The following TAF4B variants were observed in gnomAD, a reference collection of about 807,000 sequenced individuals.
The protein encoded by TAF4B is transcription initiation factor TFIID subunit 4B.
Under a neutral mutation model 86.4 loss-of-function variants are expected in TAF4B, and 38 were observed. That is an observed-to-expected ratio of 0.44 (90% CI 0.34 to 0.58). TAF4B has a LOEUF of 0.58. Among genes scored for constraint, TAF4B ranks in the 20% least tolerant of loss-of-function variants. TAF4B has a pLI of 0.02. For missense variants in TAF4B, 988 were observed against 1,027.6 expected (o/e 0.96, Z 0.53); for synonymous variants, 388 against 391.2 (o/e 0.99, Z 0.10).
chr18:26,329,872 A>C, intron 12 of TAF4B, among the ~76,000 whole-genome samples: 1 of 152,010 alleles, frequency 6.6e-6, no homozygotes, highest in Non-Finnish European at 1.5e-5. Flanking sequence ...TGGTGTGATC[A>C]CTGCTCACTG....
At chr18:26,304,784 A>G (rs752699425) in intron 9 of TAF4B, 3 of 985,410 alleles carry the variant, frequency 3.0e-6, no homozygotes, top group Non-Finnish European at 3.6e-6. Context: ...CTGTGAACCA[A>G]ACAATGGAAT....
chr18:26,269,970 A>G (rs1321827300), intron 3 of TAF4B, among the ~76,000 whole-genome samples: 1 of 152,248 alleles, frequency 6.6e-6, no homozygotes, highest in Non-Finnish European at 1.5e-5. Flanking sequence ...GATAGCTACT[A>G]TCATATTGTT....
chr18:26,358,041 A>G (rs558499833), intron 14 of TAF4B, among the ~76,000 whole-genome samples: 1 of 152,128 alleles, frequency 6.6e-6, no homozygotes, highest in Non-Finnish European at 1.5e-5. Flanking sequence ...CCCCATCTCC[A>G]GTCATATTGA....
chr18:26,231,776 C>T (rs942224340), intron 1 of TAF4B, among the ~76,000 whole-genome samples: 1 of 152,114 alleles, frequency 6.6e-6, no homozygotes, highest in African/African-American at 2.4e-5. Context: ...AAAGATGGCA[C>T]AGACCCAAAG....
At position 26,226,703 on chromosome 18, in the gene TAF4B, T is replaced by C; in HGVS notation, c.-231T>C. The stretch of plus-strand genomic sequence containing the variant: ...AGGAAGCTGCGAGAGGTCGGGCGGG[T>C]GTCGCTCCGGGGGCAGCCCAGGCTC... On this transcript the variant is annotated 5_prime_UTR_variant, in exon 1 of 15. Transcript: ENST00000269142. 2 of 398,298 alleles carry C rather than the reference T, an allele frequency of 5.0e-6. No homozygotes were observed. 24.7% of individuals were successfully genotyped at this position (398,298 alleles called of 1,614,324 possible).
chr18:26,329,971 A>C (rs772024097), intron 12 of TAF4B, among the ~76,000 whole-genome samples: 7 of 152,060 alleles, frequency 4.6e-5, no homozygotes, highest in Non-Finnish European at 7.4e-5. Flanking sequence ...CACCTGGATA[A>C]ATTTTTTAAT....
rs116434304 is a variant in TAF4B at position 26,291,145 on chromosome 18, G to A, written c.1591-1101G>A. On this transcript the variant is annotated intron_variant, in intron 7 of 14. Coordinates refer to ENST00000269142, the MANE Select transcript of TAF4B (RefSeq NM_005640.3). ...GAATAAATTGAACTCTAAAAATTCT[G>A]TTTAGAAGTCTGTCTTTTGGCAAGA... 8.2e-3 allele frequency among the ~76,000 whole-genome samples: 1,251 copies of A among 152,186 alleles called. 18 individuals carry two copies. Among genetic ancestry groups the A allele is most frequent in the African/African-American group, 0.029 (1,199 of 41,518 alleles).
chr18:26,315,668 AT>A (rs1221051831), intron 10 of TAF4B, among the ~76,000 whole-genome samples: 13 of 150,982 alleles, frequency 8.6e-5, no homozygotes, highest in Admixed American at 3.3e-4. Context: ...ATAATATACT[AT>A]TTTTTTTTCT....
chr18:26,295,199 A>G (rs927120589), intron 9 of TAF4B: 4 of 411,558 alleles, frequency 9.7e-6, no homozygotes, highest in Admixed American at 5.4e-5. Flanking sequence ...TTGTAGGTCT[A>G]CTTTTATATG....
At chr18:26,385,575 G>C (rs1396371474) in intron 14 of TAF4B, among the ~76,000 whole-genome samples, 4 of 151,896 alleles carry the variant, frequency 2.6e-5, no homozygotes, top group African/African-American at 7.2e-5. Context: ...TTTTCATCCA[G>C]GTGAAGAATC....
At chr18:26,281,471 A>G (rs1410526778) in intron 5 of TAF4B, among the ~76,000 whole-genome samples, 2 of 152,300 alleles carry the variant, frequency 1.3e-5, no homozygotes, top group South Asian at 2.1e-4. Flanking sequence ...TACATCTTAC[A>G]CATTATCACT....
Position 26,383,628 on chromosome 18 carries a change from G to A in TAF4B, c.2422-6217G>A, listed in dbSNP as rs146639886. On this transcript the variant is annotated intron_variant, in intron 14 of 14. Transcript: ENST00000269142. ...AAAGATGGGGGTGATCATTAGCTAT[G>A]ACAGGCAGTATATTATCTCTATAGC... 9.2e-3 allele frequency among the ~76,000 whole-genome samples: 1,403 copies of A among 152,286 alleles called. 15 individuals carry two copies. Among genetic ancestry groups the A allele is most frequent in the South Asian group, 0.028 (134 of 4,822 alleles).
At chr18:26,260,313 T>G (rs188786979) in intron 1 of TAF4B, among the ~76,000 whole-genome samples, 2,715 of 152,318 alleles carry the variant, frequency 0.018, 47 homozygotes, top group South Asian at 0.044. Context: ...ATTTTGTCTT[T>G]TGTTGCCATT....
intron 9 of TAF4B, among the ~76,000 whole-genome samples, chr18:26,304,558 G>T (rs986036545): frequency 6.6e-6 from 1 of 152,100 alleles, no homozygotes; most frequent in African/African-American, 2.4e-5. Context: ...TTCCAGAGAG[G>T]ATTTGTGACT....
intron 13 of TAF4B, among the ~76,000 whole-genome samples, chr18:26,346,877 GTATATATA>G (rs1220239621): frequency 0.022 from 143 of 6,530 alleles, 11 homozygotes; most frequent in African/African-American, 0.027. Context: ...ATATATATGT[GTATATATA>G]TATATATATA....
At chr18:26,290,036 T>A (rs1452107352) in intron 7 of TAF4B, among the ~76,000 whole-genome samples, 4 of 152,222 alleles carry the variant, frequency 2.6e-5, no homozygotes, top group East Asian at 1.9e-4. Context: ...AAAGGCTTTT[T>A]AAAAGAATAA....
At chr18:26,277,756 A>G (rs1371892571) in intron 5 of TAF4B, among the ~76,000 whole-genome samples, 2 of 152,136 alleles carry the variant, frequency 1.3e-5, no homozygotes, top group Non-Finnish European at 2.9e-5. Context: ...TGATTTTTGT[A>G]ATGACATTCA....
At chr18:26,305,781 C>T (rs951266899) in intron 9 of TAF4B, among the ~76,000 whole-genome samples, 3 of 152,006 alleles carry the variant, frequency 2.0e-5, no homozygotes, top group South Asian at 2.1e-4. Flanking sequence ...TCCTTTTTAT[C>T]GAAGGTATCT....
Position 26,326,755 on chromosome 18 carries a change from C to T in TAF4B, c.2134-260C>T, listed in dbSNP as rs562968553. On this transcript the variant is annotated intron_variant, in intron 11 of 14. Transcript: ENST00000269142. Reference sequence around the variant, plus strand: ...TGGCTTAATTCCTCCCCCTTCACCCCACAATGATGTTTACTAGCAAAGTTC... The same window carrying T: ...TGGCTTAATTCCTCCCCCTTCACCCTACAATGATGTTTACTAGCAAAGTTC... Among the ~76,000 whole-genome samples, 3 of 152,242 alleles carry T rather than the reference C, an allele frequency of 2.0e-5. No individual in the cohort carries two copies. In the South Asian group the frequency reaches 6.2e-4, roughly 32 times the overall value.
Sources: gnomAD v4.1 joint callset for allele counts (sites outside exome capture counted in the v4.1 genomes callset) on GRCh38, gnomAD v4.1.1 for gene constraint, MANE v1.5 for transcripts, NCBI Gene and HGNC (gene_info 2026-07-23, HGNC 2026-07-21) for gene names.